SPAG17: variants seen among roughly 807,000 people sequenced by gnomAD.
SPAG17 encodes sperm associated antigen 17.
In SPAG17, 169 loss-of-function variants were observed where a neutral mutation model predicts 273.6. That is an observed-to-expected ratio of 0.62 (90% confidence interval 0.55 to 0.70). The LOEUF is 0.70. Among genes scored for constraint, SPAG17 ranks in the 30% least tolerant of loss-of-function variants. The pLI, the probability that SPAG17 is intolerant of heterozygous loss-of-function variation, is 0.00. For missense variants in SPAG17, 2,557 were observed against 2,627.8 expected (o/e 0.97, Z 0.59); for synonymous variants, 825 against 873.2 (o/e 0.94, Z 0.97).
At chr1:118,075,145 T>C (rs1330776054) in intron 15 of SPAG17, among the ~76,000 whole-genome samples, 5 of 152,232 alleles carry the variant, frequency 3.3e-5, no homozygotes, top group African/African-American at 1.2e-4. Context: ...TAATCATTTA[T>C]TAACTTAAAA....
At chr1:117,992,779 C>T in intron 35 of SPAG17, 131 bp from the exon 36 acceptor site, 1 of 807,576 alleles carries the variant, frequency 1.2e-6, no homozygotes, top group Non-Finnish European at 1.8e-6. Flanking sequence ...GAAAAAAAAT[C>T]CTTAACCTCA....
chr1:118,174,725 G>T (rs1490532933), intron 1 of SPAG17, among the ~76,000 whole-genome samples: 1 of 152,162 alleles, frequency 6.6e-6, no homozygotes, highest in Admixed American at 6.5e-5. Context: ...AGGGAAAAGT[G>T]ACCCTTTATG....
chr1:118,066,397 C>A (rs1263961861), intron 18 of SPAG17, among the ~76,000 whole-genome samples: 1 of 152,084 alleles, frequency 6.6e-6, no homozygotes, highest in Non-Finnish European at 1.5e-5. Context: ...TTAAAAAAAC[C>A]CAACATGCAG....
rs563980015 is a variant in SPAG17 at position 118,069,344 on chromosome 1, CAA to C, written c.2386-2447_2386-2446del. 4.6e-5 allele frequency among the ~76,000 whole-genome samples: 4 copies of C among 86,144 alleles called. 1 individual carries two copies. The highest frequency in any genetic ancestry group is 9.0e-5 in the Non-Finnish European group (4 of 44,618). 56.5% of individuals were successfully genotyped at this position (86,144 alleles called of 152,430 possible). ...TAAGCGACAGAGTGAGACTCCGTCTCAAAAAAAAAAAAAAGTGGTGGTAGCTG... is the reference window on the plus strand; with the variant it reads ...TAAGCGACAGAGTGAGACTCCGTCTCAAAAAAAAAAAAGTGGTGGTAGCTG... On this transcript the variant is annotated intron_variant, in intron 17 of 48. Transcript: ENST00000336338.
At chr1:117,972,347 A>G (rs1284536203) in intron 44 of SPAG17, among the ~76,000 whole-genome samples, 2 of 152,254 alleles carry the variant, frequency 1.3e-5, no homozygotes, top group East Asian at 3.8e-4. Flanking sequence ...CATCTGTGCC[A>G]GTGGTCATCA....
chr1:118,035,157 A>G lies in SPAG17; in HGVS notation c.3433+1613T>C, dbSNP rs1648934150. On this transcript the variant is annotated intron_variant, in intron 24 of 48. Coordinates refer to ENST00000336338, the MANE Select transcript of SPAG17 (RefSeq NM_206996.4). ...ATACATACGCATATAATTTTTACAAAGACTTATACCTTCAACTTTTTAAAA... is the reference window on the plus strand; with the variant it reads ...ATACATACGCATATAATTTTTACAAGGACTTATACCTTCAACTTTTTAAAA... Among the ~76,000 whole-genome samples the G allele has an allele frequency of 5.3e-5, 8 of 152,316 alleles. No homozygotes were observed. In the South Asian group the frequency reaches 1.7e-3, roughly 32 times the overall value.
chr1:118,077,260 G>A (rs1654178632), intron 15 of SPAG17, among the ~76,000 whole-genome samples: 1 of 151,986 alleles, frequency 6.6e-6, no homozygotes, highest in African/African-American at 2.4e-5. Flanking sequence ...GCTACAATGT[G>A]ACACCAAGCC....
intron 1 of SPAG17, among the ~76,000 whole-genome samples, chr1:118,162,607 T>C (rs531248115): frequency 3.3e-4 from 50 of 152,354 alleles, no homozygotes; most frequent in African/African-American, 1.2e-3. Flanking sequence ...TCATTTCTAT[T>C]ATCATATTGT....
intron 1 of SPAG17, among the ~76,000 whole-genome samples, chr1:118,164,444 T>C (rs1260426071): frequency 1.3e-5 from 2 of 152,182 alleles, no homozygotes; most frequent in Non-Finnish European, 2.9e-5. Context: ...CTCCCAGTCA[T>C]CATAACTTAA....
At chr1:118,140,145 T>C (rs1264735714) in intron 3 of SPAG17, among the ~76,000 whole-genome samples, 1 of 152,126 alleles carries the variant, frequency 6.6e-6, no homozygotes, top group African/African-American at 2.4e-5. Flanking sequence ...TCCTTAACTA[T>C]AAAAAATAAA....
chr1:117,987,820 T>C lies in SPAG17; in HGVS notation c.5669+14A>G. 1 of 1,613,742 alleles carries C rather than the reference T, an allele frequency of 6.2e-7. No individual in the cohort carries two copies. The highest frequency in any genetic ancestry group is 8.5e-7 in the Non-Finnish European group (1 of 1,179,732). On this transcript the variant is annotated intron_variant, in intron 40 of 48. Transcript: ENST00000336338. ...CCCTTTCAGGTCCTTATGTGCGTTT[T>C]GGGGTATAATTACCTCGTTTTGTCT... is the stretch of plus-strand genomic sequence containing the variant.
chr1:117,960,681 T>C (rs1456957077), intron 48 of SPAG17: 2 of 152,172 alleles, frequency 1.3e-5, no homozygotes, highest in African/African-American at 4.8e-5. Context: ...CAACAGGAGG[T>C]GGCTGTGAAA....
chr1:118,103,840 A>AGTGTGTGTGTGTGTGTGTGTGTGT (rs60797775), intron 4 of SPAG17, among the ~76,000 whole-genome samples: 38 of 136,386 alleles, frequency 2.8e-4, no homozygotes, highest in Non-Finnish European at 4.7e-4. Context: ...GGGAAAATGT[A>AGTGTGTGTGTGTGTGTGTGTGTGT]GTGTGTGTGT....
chr1:117,990,232 G>C (rs984258374), intron 38 of SPAG17, among the ~76,000 whole-genome samples: 1 of 152,206 alleles, frequency 6.6e-6, no homozygotes, highest in Admixed American at 6.5e-5. Context: ...AGCCCACACT[G>C]TGGAGGATAC....
At chr1:118,011,963 TTA>T (rs60292020) in intron 30 of SPAG17, among the ~76,000 whole-genome samples, 488 of 150,864 alleles carry the variant, frequency 3.2e-3, no homozygotes, top group African/African-American at 9.9e-3. Flanking sequence ...ATATTATTTA[TTA>T]TATATATATA....
intron 43 of SPAG17, among the ~76,000 whole-genome samples, chr1:117,979,415 C>T (rs1406906032): frequency 6.6e-6 from 1 of 152,172 alleles, no homozygotes; most frequent in Non-Finnish European, 1.5e-5. Context: ...GCTCCACCCT[C>T]ATGATATAGT....
chr1:117,983,730 G>A, intron 42 of SPAG17, 81 bp downstream of exon 42: 1 of 856,014 alleles, frequency 1.2e-6, no homozygotes, highest in Admixed American at 2.2e-5. Flanking sequence ...AGCTATCACT[G>A]GTTATGTCCT....
chr1:118,161,551 T>A (rs1465056506), intron 1 of SPAG17, among the ~76,000 whole-genome samples: 2 of 152,202 alleles, frequency 1.3e-5, no homozygotes, highest in Non-Finnish European at 2.9e-5. Flanking sequence ...TTTTCTTCTT[T>A]TTTTTAGACG....
At chr1:118,177,670 T>A (rs541737274) in intron 1 of SPAG17, among the ~76,000 whole-genome samples, 1 of 152,156 alleles carries the variant, frequency 6.6e-6, no homozygotes, top group East Asian at 1.9e-4. Flanking sequence ...AATTGTCAAA[T>A]CTTTAGCTAG....
Sources: allele counts gnomAD v4.1 joint callset (sites outside exome capture counted in the v4.1 genomes callset), GRCh38; gene constraint gnomAD v4.1.1; transcripts MANE v1.5; gene names NCBI Gene and HGNC (gene_info 2026-07-23, HGNC 2026-07-21).